Variants in XKR9 observed in about 807,000 individuals in gnomAD.
The protein encoded by XKR9 is XK related 9.
In XKR9, 32 loss-of-function variants were observed where a neutral mutation model predicts 32.0. The observed-to-expected ratio is 1.00, with a 90% CI of 0.76 to 1.34. The LOEUF (loss-of-function observed/expected upper bound fraction) is 1.34. Among genes scored for constraint, XKR9 ranks in the 40% most tolerant of loss-of-function variants. XKR9 has a pLI of 0.00. For missense variants in XKR9, 546 were observed against 429.7 expected (o/e 1.27, Z -2.39); for synonymous variants, 168 against 143.4 (o/e 1.17, Z -1.22).
the XKR9 span, among the ~76,000 whole-genome samples, chr8:70,899,469 T>G: frequency 6.6e-6 from 1 of 151,530 alleles, no homozygotes; most frequent in Non-Finnish European, 1.5e-5. Context: ...GCTGCCTGTA[T>G]CCACTGCTCA....
At chr8:70,964,671 C>T in the XKR9 span, among the ~76,000 whole-genome samples, 1 of 152,120 alleles carries the variant, frequency 6.6e-6, no homozygotes, top group Non-Finnish European at 1.5e-5. Context: ...TCCTTCACTT[C>T]CCTTGTTCAC....
intron 3 of XKR9, 120 bp downstream of exon 3, chr8:70,681,450 G>T: frequency 8.2e-7 from 1 of 1,218,196 alleles, no homozygotes; most frequent in Non-Finnish European, 1.1e-6. Context: ...AAGCACAAAG[G>T]TTACTTGCTC....
At chr8:70,685,572 A>C (rs1819241318) in intron 3 of XKR9, among the ~76,000 whole-genome samples, 1 of 151,466 alleles carries the variant, frequency 6.6e-6, no homozygotes, top group African/African-American at 2.4e-5. Context: ...TGATGAGTTC[A>C]TGTCCTTTGC....
the XKR9 span, among the ~76,000 whole-genome samples, chr8:70,975,675 C>T: frequency 1.7e-3 from 256 of 152,136 alleles, no homozygotes; most frequent in Non-Finnish European, 2.6e-3. Context: ...TCAGGTAGCG[C>T]GATGCCTCTA....
At chr8:70,815,966 G>A in the XKR9 span, among the ~76,000 whole-genome samples, 38 of 152,160 alleles carry the variant, frequency 2.5e-4, no homozygotes, top group Non-Finnish European at 5.0e-4. Flanking sequence ...ACATGCATGT[G>A]TCTTTATAAT....
downstream of XKR9, among the ~76,000 whole-genome samples, chr8:70,737,002 A>T (rs1446927619): frequency 2.6e-5 from 4 of 152,214 alleles, no homozygotes; most frequent in Non-Finnish European, 5.9e-5. Context: ...CAATTCTGTG[A>T]AGAAAGTCAT....
chr8:70,810,232 G>A, the XKR9 span, among the ~76,000 whole-genome samples: 4 of 152,154 alleles, frequency 2.6e-5, no homozygotes, highest in Non-Finnish European at 5.9e-5. Flanking sequence ...TTACAGACAA[G>A]CAAATGCTGA....
the XKR9 span, among the ~76,000 whole-genome samples, chr8:70,943,737 A>G: frequency 6.6e-6 from 1 of 152,226 alleles, no homozygotes; most frequent in East Asian, 1.9e-4. Context: ...CTTGGGTACC[A>G]TATTTCTAGA....
the XKR9 span, among the ~76,000 whole-genome samples, chr8:71,050,680 G>C: frequency 6.6e-6 from 1 of 152,150 alleles, no homozygotes; most frequent in Non-Finnish European, 1.5e-5. Flanking sequence ...GGTTTTGAGA[G>C]GCTGGGAAAA....
At chr8:71,047,273 C>T in the XKR9 span, among the ~76,000 whole-genome samples, 9 of 152,156 alleles carry the variant, frequency 5.9e-5, no homozygotes, top group South Asian at 2.1e-4. Context: ...TTGGCTGCCA[C>T]GTGTTTGACT....
the XKR9 span, among the ~76,000 whole-genome samples, chr8:70,811,774 G>A: frequency 6.6e-5 from 10 of 152,192 alleles, no homozygotes; most frequent in South Asian, 2.1e-4. Flanking sequence ...ACCAATAACA[G>A]GATCTGAAAT....
the XKR9 span, among the ~76,000 whole-genome samples, chr8:70,805,339 C>A: frequency 1.3e-5 from 2 of 152,340 alleles, no homozygotes; most frequent in South Asian, 4.1e-4. Flanking sequence ...CCCAGAGCTG[C>A]GCATATTCTC....
chr8:70,865,720 G>T, the XKR9 span, among the ~76,000 whole-genome samples: 1 of 152,088 alleles, frequency 6.6e-6, no homozygotes, highest in African/African-American at 2.4e-5. Context: ...TTAGTCAAAA[G>T]GGATAATGGA....
At chr8:70,774,314 T>G (rs1807490645) in intron 2 of XKR9, among the ~76,000 whole-genome samples, 1 of 152,160 alleles carries the variant, frequency 6.6e-6, no homozygotes. Context: ...ATTTAATATT[T>G]TTCAGAGATG....
the XKR9 span, among the ~76,000 whole-genome samples, chr8:70,860,484 G>T: frequency 6.6e-6 from 1 of 152,002 alleles, no homozygotes; most frequent in South Asian, 2.1e-4. Context: ...CAAGGTTATG[G>T]CACTTTGTTA....
intron 2 of XKR9, among the ~76,000 whole-genome samples, chr8:70,783,835 T>C (rs113896253): frequency 2.4e-4 from 36 of 152,332 alleles, no homozygotes; most frequent in African/African-American, 8.4e-4. Context: ...ATTTTACACT[T>C]TCTAGTCTTA....
At chr8:70,791,372 G>A (rs189580203), downstream of XKR9, among the ~76,000 whole-genome samples, 8 of 151,728 alleles carry the variant, frequency 5.3e-5, no homozygotes, top group Admixed American at 3.9e-4. Flanking sequence ...AGTACACAAA[G>A]TATGGATTAA....
At chr8:70,922,056 A>G in the XKR9 span, among the ~76,000 whole-genome samples, 9 of 152,158 alleles carry the variant, frequency 5.9e-5, no homozygotes, top group African/African-American at 2.2e-4. Context: ...TAGAGAAACT[A>G]TGGGTTCAGA....
At chr8:70,982,339 T>C in the XKR9 span, among the ~76,000 whole-genome samples, 2 of 152,068 alleles carry the variant, frequency 1.3e-5, no homozygotes, top group African/African-American at 4.8e-5. Context: ...GAGCTCAGCC[T>C]CTCCTTGGGC....
Sources: allele counts gnomAD v4.1 joint callset (sites outside exome capture counted in the v4.1 genomes callset), GRCh38; gene constraint gnomAD v4.1.1; transcripts MANE v1.5; gene names NCBI Gene and HGNC (gene_info 2026-07-23, HGNC 2026-07-21).